Variants in SORL1 observed in about 807,000 individuals in gnomAD.
SORL1 encodes the protein sortilin-related receptor.
Under a neutral mutation model 273.7 loss-of-function variants are expected in SORL1, and 127 were observed. That is an observed-to-expected ratio of 0.46 (90% CI 0.40 to 0.54). The LOEUF is 0.54. Among genes scored for constraint, SORL1 ranks in the 20% least tolerant of loss-of-function variants. The probability of loss-of-function intolerance (pLI) is 0.00; values close to 1 mark genes in which losing one functional copy is unlikely to be tolerated. For synonymous variants in SORL1, 1,031 were observed against 1,067.4 expected, an observed-to-expected ratio of 0.97 and a Z score of 0.66; for missense variants, 2,494 against 2,846.1, an observed-to-expected ratio of 0.88 and a Z score of 2.81.
chr11:121,594,612 C>A (rs947725054), intron 31 of SORL1, among the ~76,000 whole-genome samples: 1 of 151,958 alleles, frequency 6.6e-6, no homozygotes, highest in Non-Finnish European at 1.5e-5. Context: ...TATATTCTTT[C>A]TTTCTGAACG....
In SORL1 at chr11:121,612,709, T is replaced by C. The variant is rs1414149903; in HGVS notation, c.5323-27T>C. ...AGTGTGCCCCATGACTAGCTGTTCA[T>C]CTAACATGCTTCTTGGTTCTCGGCA... On this transcript the variant is annotated intron_variant, in intron 39 of 47. Coordinates refer to ENST00000260197, the MANE Select transcript of SORL1 (RefSeq NM_003105.6). 3.2e-6 allele frequency: 5 copies of C among 1,567,730 alleles called. No homozygotes were observed. In the South Asian group the frequency reaches 4.4e-5, roughly 14 times the overall value.
chr11:121,540,063 G>A (rs1237455497), intron 12 of SORL1, among the ~76,000 whole-genome samples: 1 of 152,146 alleles, frequency 6.6e-6, no homozygotes, highest in African/African-American at 2.4e-5. Flanking sequence ...GAGAATTACA[G>A]CTGGAATTAG....
intron 47 of SORL1, among the ~76,000 whole-genome samples, chr11:121,628,420 G>T (rs1260967469): frequency 6.6e-6 from 1 of 152,188 alleles, no homozygotes; most frequent in Non-Finnish European, 1.5e-5. Flanking sequence ...TGCACGCTCA[G>T]TTCACGATAG....
intron 24 of SORL1, among the ~76,000 whole-genome samples, chr11:121,576,062 C>T (rs537927393): frequency 2.6e-5 from 4 of 152,342 alleles, no homozygotes; most frequent in East Asian, 3.9e-4. Flanking sequence ...ATGACTGAGA[C>T]GGCTGCCTTG....
intron 32 of SORL1, among the ~76,000 whole-genome samples, chr11:121,599,516 C>G (rs1429033950): frequency 6.6e-6 from 1 of 152,178 alleles, no homozygotes; most frequent in African/African-American, 2.4e-5. Context: ...TGCACTCCAG[C>G]CTGGGCAACA....
rs1862642847 is a variant in SORL1 at position 121,559,640 on chromosome 11, A to G, written c.3032A>G (p.Tyr1011Cys). The G allele has an allele frequency of 1.9e-6, 3 of 1,614,010 alleles. No homozygotes were observed. The highest frequency in any genetic ancestry group is 2.5e-6 in the Non-Finnish European group (3 of 1,180,016). The change falls in exon 21 of 48, where the codon TAC becomes TGC. Residue 1011 changes from tyrosine (Y) to cysteine (C), a missense_variant. Transcript: ENST00000260197. Reference sequence around the variant, plus strand: ...GGGCTCATGGACATGAAGATTTTCTACAAGGGGAAGAACACTGGTAAGCCA... The same window carrying G: ...GGGCTCATGGACATGAAGATTTTCTGCAAGGGGAAGAACACTGGTAAGCCA... ...LTGLMDMKIF[Y>C]KGKNTGSNAC...
At chr11:121,587,979 G>A (rs371924939) in intron 27 of SORL1, 41 bp from the exon 28 acceptor site, 15 of 1,607,172 alleles carry the variant, frequency 9.3e-6, no homozygotes, top group East Asian at 6.7e-5. Context: ...CCAGCCAGCC[G>A]CAGTGCTCAT....
intron 6 of SORL1, among the ~76,000 whole-genome samples, chr11:121,507,485 A>G (rs1188919059): frequency 6.6e-6 from 1 of 152,012 alleles, no homozygotes; most frequent in Non-Finnish European, 1.5e-5. Flanking sequence ...TCAGACTGAG[A>G]CATCACAATT....
At chr11:121,562,988 G>T (rs1280220631) in intron 21 of SORL1, among the ~76,000 whole-genome samples, 1 of 152,206 alleles carries the variant, frequency 6.6e-6, no homozygotes, top group African/African-American at 2.4e-5. Context: ...GTAACTACAT[G>T]TATTGAGGGG....
chr11:121,575,259 C>T (rs1339127665), intron 24 of SORL1, among the ~76,000 whole-genome samples: 1 of 152,230 alleles, frequency 6.6e-6, no homozygotes, highest in Non-Finnish European at 1.5e-5. Context: ...TTGCACAGTA[C>T]CTCCTTGTCA....
chr11:121,473,665 C>A (rs541847585), intron 2 of SORL1, among the ~76,000 whole-genome samples: 1 of 152,094 alleles, frequency 6.6e-6, no homozygotes, highest in Non-Finnish European at 1.5e-5. Context: ...AAGGCCGAGG[C>A]GGGTGGATCA....
intron 26 of SORL1, 90 bp downstream of exon 26, chr11:121,583,673 C>A: frequency 7.1e-7 from 1 of 1,415,536 alleles, no homozygotes; most frequent in Non-Finnish European, 9.5e-7. Flanking sequence ...GGATGAAATG[C>A]TGTTCTCCTA....
In SORL1 at chr11:121,502,175, G is replaced by A. The variant is rs975591073; in HGVS notation, c.939+5126G>A. Among the ~76,000 whole-genome samples the A allele has an allele frequency of 5.8e-5, 7 of 120,780 alleles. No homozygotes were observed. In the East Asian group the frequency reaches 1.0e-3, roughly 17 times the overall value. The allele number at this position is 120,780 out of a possible 152,430, so 79.2% of individuals were successfully genotyped here. A position where few individuals can be genotyped will look rare whatever the true frequency, so the allele number is the denominator to read the frequency against. ...TTTTGAGATGGAGTCTCACTCTGTC[G>A]CTCAGGCTGGAGTGCAGTGGTGTGA... On this transcript the variant is annotated intron_variant, in intron 6 of 47. Transcript: ENST00000260197.
intron 6 of SORL1, among the ~76,000 whole-genome samples, chr11:121,511,589 G>A (rs1426650726): frequency 6.6e-6 from 1 of 152,044 alleles, no homozygotes; most frequent in African/African-American, 2.4e-5. Flanking sequence ...ATTTCCTACG[G>A]CCCTATGTTT....
chr11:121,477,169 C>T (rs190811545), intron 2 of SORL1, among the ~76,000 whole-genome samples: 1 of 152,252 alleles, frequency 6.6e-6, no homozygotes, highest in Admixed American at 6.5e-5. Context: ...TTAATATATT[C>T]ACCTATCAGG....
intron 14 of SORL1, among the ~76,000 whole-genome samples, chr11:121,548,742 T>A (rs1862467832): frequency 6.6e-6 from 1 of 152,086 alleles, no homozygotes; most frequent in African/African-American, 2.4e-5. Flanking sequence ...GATTTTTGTA[T>A]TTTTAGTAGA....
chr11:121,497,542 A>G (rs1287588833), intron 6 of SORL1, among the ~76,000 whole-genome samples: 4 of 152,242 alleles, frequency 2.6e-5, no homozygotes, highest in Non-Finnish European at 1.5e-5. Flanking sequence ...GCAGTAATTA[A>G]GCTTCCAGCT....
Position 121,452,323 on chromosome 11 carries a change from C to A in SORL1, c.-9C>A, listed in dbSNP as rs769280269. ...CGGCGGCGCCACCTGCAGTAGCGTT[C>A]GCCCGAACATGGCGACACGGAGCAG... is the stretch of plus-strand genomic sequence containing the variant. On this transcript the variant is annotated 5_prime_UTR_variant, in exon 1 of 48. Coordinates refer to ENST00000260197, the MANE Select transcript of SORL1 (RefSeq NM_003105.6). The surrounding 1 kb of genome is among the most constrained non-coding windows in gnomAD (Gnocchi z 5.3). The A allele has an allele frequency of 1.3e-6, 2 of 1,527,542 alleles. No individual in the cohort carries two copies. Among genetic ancestry groups the A allele is most frequent in the Non-Finnish European group, 1.8e-6 (2 of 1,141,380 alleles). 94.6% of individuals were successfully genotyped at this position (1,527,542 alleles called of 1,614,324 possible).
At chr11:121,460,154 C>G (rs978057528) in intron 1 of SORL1, among the ~76,000 whole-genome samples, 1 of 152,152 alleles carries the variant, frequency 6.6e-6, no homozygotes, top group South Asian at 2.1e-4. Context: ...ATCTCCCCCC[C>G]TTTCTGGGGG....
Sources: allele counts gnomAD v4.1 joint callset (sites outside exome capture counted in the v4.1 genomes callset), GRCh38; gene constraint gnomAD v4.1.1; non-coding constraint Gnocchi (gnomAD v3.1); transcripts MANE v1.5; gene names NCBI Gene and HGNC (gene_info 2026-07-23, HGNC 2026-07-21).